DNAJB14: variants seen among roughly 807,000 people sequenced by gnomAD.
DNAJB14 encodes DnaJ heat shock protein family (Hsp40) member B14.
A neutral mutation model predicts 48.4 loss-of-function variants in DNAJB14; 22 were observed. The ratio of observed to expected loss-of-function variants is 0.45; its 90% confidence interval spans 0.32 to 0.65. The LOEUF (loss-of-function observed/expected upper bound fraction) is 0.65. DNAJB14 is among the 30% of genes least tolerant of loss of function. DNAJB14 has a pLI of 0.03. For missense variants in DNAJB14, 319 were observed against 458.8 expected (o/e 0.70, Z 2.78); for synonymous variants, 142 against 158.7 (o/e 0.89, Z 0.79).
At chr4:99,907,444 G>A (rs535757833) in intron 4 of DNAJB14, among the ~76,000 whole-genome samples, 37 of 152,068 alleles carry the variant, frequency 2.4e-4, no homozygotes, top group Non-Finnish European at 4.1e-4. Context: ...GGAGGCTAAG[G>A]TGGGAGGATT....
At position 99,908,797 on chromosome 4, in the gene DNAJB14, C is replaced by T; in HGVS notation, c.551G>A (p.Gly184Asp). 2 of 1,612,154 alleles carry T rather than the reference C, an allele frequency of 1.2e-6. No homozygotes were observed. The highest frequency in any genetic ancestry group is 1.7e-6 in the Non-Finnish European group (2 of 1,178,960). ...EEQACNHQNN[G>D]RFNFHRGCEA... Reference sequence around the variant, plus strand: ...ACAACCTCTATGGAAATTAAATCTGCCATTGTTTTGGTGGTTACATGCTTG... The same window carrying T: ...ACAACCTCTATGGAAATTAAATCTGTCATTGTTTTGGTGGTTACATGCTTG... The change falls in exon 4 of 8, where the codon GGC becomes GAC. Residue 184 changes from glycine (G) to aspartate (D), a missense_variant. By Grantham distance (94) the Gly-to-Asp change is moderately conservative (BLOSUM62 -1). Transcript: ENST00000442697.
Position 99,920,704 on chromosome 4 carries a change from A to G in DNAJB14, c.451+2336T>C, listed in dbSNP as rs151142764. On this transcript the variant is annotated intron_variant, in intron 3 of 7. Coordinates refer to ENST00000442697, the MANE Select transcript of DNAJB14 (RefSeq NM_001031723.4). ...AAGGACAAAATAGCTATATGAACAT[A>G]TGAGTTCATTTAGTCCATTCTCCTT... Among the ~76,000 whole-genome samples, 340 of 152,356 alleles carry G rather than the reference A, an allele frequency of 2.2e-3. 3 individuals carry two copies. The highest frequency in any genetic ancestry group is 7.8e-3 in the African/African-American group (324 of 41,592).
At chr4:99,933,959 A>G (rs1726575498) in intron 1 of DNAJB14, among the ~76,000 whole-genome samples, 2 of 152,214 alleles carry the variant, frequency 1.3e-5, no homozygotes, top group Admixed American at 1.3e-4. Flanking sequence ...AACTGGGAAA[A>G]GTGTGTAAAA....
chr4:99,946,046 G>C (rs1251980050), intron 1 of DNAJB14, among the ~76,000 whole-genome samples: 1 of 152,238 alleles, frequency 6.6e-6, no homozygotes, highest in African/African-American at 2.4e-5. Context: ...CACTTCGATA[G>C]GGGCCTAGGC....
chr4:99,900,696 T>C lies in DNAJB14; in HGVS notation c.*332A>G, dbSNP rs1266157473. The C allele has an allele frequency of 5.6e-6, 1 of 179,060 alleles. No individual in the cohort carries two copies. Among genetic ancestry groups the C allele is most frequent in the Non-Finnish European group, 1.2e-5 (1 of 85,832 alleles). 11.1% of individuals were successfully genotyped at this position (179,060 alleles called of 1,614,324 possible). Reference sequence around the variant, plus strand: ...GTATGTACACAAAATGATCATTCCATAAATATTTACATGACAAGGGAAAAA... The same window carrying C: ...GTATGTACACAAAATGATCATTCCACAAATATTTACATGACAAGGGAAAAA... On this transcript the variant is annotated 3_prime_UTR_variant, in exon 8 of 8. Transcript: ENST00000442697.
intron 3 of DNAJB14, among the ~76,000 whole-genome samples, chr4:99,913,621 GTTTTTT>G (rs372025043): frequency 9.3e-6 from 1 of 107,618 alleles, no homozygotes; most frequent in East Asian, 2.9e-4. Flanking sequence ...CTGGTCTGTA[GTTTTTT>G]TTTTTTTTTT....
At position 99,923,664 on chromosome 4, in the gene DNAJB14, G is replaced by A. The variant is rs1309713408; in HGVS notation, c.306-479C>T. On this transcript the variant is annotated intron_variant, in intron 2 of 7. Transcript: ENST00000442697. ...CTATCAAAGCAACAGTTTAGTACAC[G>A]CAAAACAACAGCAGTATTCTATGGT... 9.1e-6 allele frequency: 9 copies of A among 984,942 alleles called. No individual in the cohort carries two copies. The South Asian group carries it at 2.3e-4, about 26-fold the overall frequency. The allele number at this position is 984,942 out of a possible 1,614,324, so 61.0% of individuals were successfully genotyped here.
intron 1 of DNAJB14, among the ~76,000 whole-genome samples, chr4:99,945,520 C>T (rs2110229635): frequency 6.6e-6 from 1 of 152,308 alleles, no homozygotes; most frequent in South Asian, 2.1e-4. Flanking sequence ...TCTGACTTTG[C>T]TACTAATTGT....
chr4:99,931,336 T>G (rs1349422337), intron 1 of DNAJB14, among the ~76,000 whole-genome samples: 1 of 152,016 alleles, frequency 6.6e-6, no homozygotes, highest in East Asian at 1.9e-4. Flanking sequence ...AAAGTAGGGG[T>G]AGAAAGAATG....
chr4:99,903,888 G>A lies in DNAJB14; in HGVS notation c.853C>T (p.Gln285Ter). The A allele has an allele frequency of 6.2e-7, 1 of 1,611,620 alleles. No individual in the cohort carries two copies. The highest frequency in any genetic ancestry group is 8.5e-7 in the Non-Finnish European group (1 of 1,179,000). Residue 285 changes from glutamine (Q) to a stop codon, truncating the protein, a stop_gained, in exon 7 of 8, where the codon CAA (glutamine) becomes TAA (stop). Transcript: ENST00000442697. LOFTEE classifies it high-confidence loss of function. Reference protein sequence around the residue: ...YSLYPRSGTGQTIKMQTENLG... With the variant: ...YSLYPRSGTG ...TTTTCTGTTTGCATTTTAATAGTTTGCCCAGTTCCACTGTAAAAGAGATGC... is the reference window on the plus strand; with the variant it reads ...TTTTCTGTTTGCATTTTAATAGTTTACCCAGTTCCACTGTAAAAGAGATGC...
At chr4:99,937,676 C>T (rs767877400) in intron 1 of DNAJB14, among the ~76,000 whole-genome samples, 11 of 151,844 alleles carry the variant, frequency 7.2e-5, no homozygotes, top group East Asian at 3.9e-4. Flanking sequence ...CAGCGAGCCA[C>T]GATCATGCCA....
At chr4:99,904,498 G>T (rs1275659108) in intron 6 of DNAJB14, among the ~76,000 whole-genome samples, 1 of 151,958 alleles carries the variant, frequency 6.6e-6, no homozygotes, top group Non-Finnish European at 1.5e-5. Context: ...TGTGAATAGG[G>T]TATATATAAA....
intron 3 of DNAJB14, among the ~76,000 whole-genome samples, chr4:99,915,099 G>A (rs1037017584): frequency 3.9e-5 from 6 of 152,078 alleles, no homozygotes; most frequent in Non-Finnish European, 5.9e-5. Flanking sequence ...TAACTGATTT[G>A]AGGCTGTTCT....
rs80098943 is a variant in DNAJB14 at position 99,935,567 on chromosome 4, C to T, written c.134-4946G>A. On this transcript the variant is annotated intron_variant, in intron 1 of 7. Coordinates refer to ENST00000442697, the MANE Select transcript of DNAJB14 (RefSeq NM_001031723.4). ...TATTTATACAACTAAGACTAAATGACGGTTAAGAGAGAGCATACAGCATGT... is the reference window on the plus strand; with the variant it reads ...TATTTATACAACTAAGACTAAATGATGGTTAAGAGAGAGCATACAGCATGT... Among the ~76,000 whole-genome samples the T allele has an allele frequency of 4.4e-3, 674 of 152,272 alleles. 6 individuals carry two copies. Among genetic ancestry groups the T allele is most frequent in the African/African-American group, 0.016 (649 of 41,572 alleles).
In DNAJB14 at chr4:99,933,029, G is replaced by C. The variant is rs1021678380; in HGVS notation, c.134-2408C>G. Among the ~76,000 whole-genome samples the C allele has an allele frequency of 2.4e-4, 36 of 152,260 alleles. 1 individual carries two copies. Among genetic ancestry groups the C allele is most frequent in the Non-Finnish European group, 1.5e-4 (10 of 68,020 alleles). ...TGAGGAGTGACTGCTAAAGAGTAAT[G>C]AGGTGTCTTTTTGAAGTAAGGAAAT... On this transcript the variant is annotated intron_variant, in intron 1 of 7. Coordinates refer to ENST00000442697, the MANE Select transcript of DNAJB14 (RefSeq NM_001031723.4).
intron 2 of DNAJB14, chr4:99,924,646 C>T: frequency 7.3e-7 from 1 of 1,371,704 alleles, no homozygotes; most frequent in Non-Finnish European, 1.0e-6. Context: ...TGACATATAT[C>T]TGTAAACAAA....
intron 1 of DNAJB14, among the ~76,000 whole-genome samples, chr4:99,935,208 T>C (rs1335085510): frequency 6.6e-6 from 1 of 152,172 alleles, no homozygotes; most frequent in Non-Finnish European, 1.5e-5. Context: ...AGACATATTC[T>C]AATAAAATTA....
intron 1 of DNAJB14, among the ~76,000 whole-genome samples, chr4:99,934,654 G>A (rs923546837): frequency 9.3e-5 from 14 of 151,194 alleles, no homozygotes; most frequent in Admixed American, 2.0e-4. Context: ...TTAGCCGGGC[G>A]TGATGACCAG....
intron 3 of DNAJB14, among the ~76,000 whole-genome samples, chr4:99,918,011 T>C (rs1237318135): frequency 6.6e-6 from 1 of 152,168 alleles, no homozygotes; most frequent in Non-Finnish European, 1.5e-5. Context: ...GCTTCTATCT[T>C]TTGCCAAATT....
Sources: allele counts gnomAD v4.1 joint callset (sites outside exome capture counted in the v4.1 genomes callset), GRCh38; gene constraint gnomAD v4.1.1; transcripts MANE v1.5; gene names NCBI Gene and HGNC (gene_info 2026-07-23, HGNC 2026-07-21).